DGKB: variants seen among roughly 807,000 people sequenced by gnomAD.
DGKB encodes the protein 90 kDa diacylglycerol kinase.
A neutral mutation model predicts 114.3 loss-of-function variants in DGKB; 67 were observed. That is an observed-to-expected ratio of 0.59 (90% CI 0.48 to 0.72). DGKB has a LOEUF of 0.72. DGKB is among the 30% of genes least tolerant of loss of function. The pLI is 0.00. For missense variants in DGKB, 907 were observed against 975.2 expected (o/e 0.93, Z 0.93); for synonymous variants, 398 against 323.1 (o/e 1.23, Z -2.49).
At chr7:14,489,822 T>C (rs936942209) in intron 20 of DGKB, among the ~76,000 whole-genome samples, 3 of 151,982 alleles carry the variant, frequency 2.0e-5, no homozygotes, top group Admixed American at 2.0e-4. Context: ...AGAAAAATCA[T>C]GTTTACTATC....
At chr7:14,160,009 G>T (rs551145777) in intron 25 of DGKB, among the ~76,000 whole-genome samples, 1 of 152,030 alleles carries the variant, frequency 6.6e-6, no homozygotes, top group African/African-American at 2.4e-5. Context: ...GGATAAAAGA[G>T]TTGTAAATTA....
intron 2 of DGKB, among the ~76,000 whole-genome samples, chr7:14,790,152 T>C (rs1333028104): frequency 1.3e-5 from 2 of 152,224 alleles, no homozygotes; most frequent in African/African-American, 4.8e-5. Flanking sequence ...GTTTTGTTTT[T>C]ACTTCGAATT....
At chr7:14,952,874 A>G (rs1786282689) in intron 1 of DGKB, among the ~76,000 whole-genome samples, 1 of 152,156 alleles carries the variant, frequency 6.6e-6, no homozygotes, top group Non-Finnish European at 1.5e-5. Context: ...ATATTATATA[A>G]ATCAATGGAA....
intron 23 of DGKB, among the ~76,000 whole-genome samples, chr7:14,284,803 T>C (rs1473964945): frequency 6.8e-6 from 1 of 146,194 alleles, no homozygotes; most frequent in African/African-American, 2.5e-5. Flanking sequence ...TAGGTGGGAA[T>C]TGAACAATGA....
chr7:14,284,768 A>T (rs534969823), intron 23 of DGKB, among the ~76,000 whole-genome samples: 129 of 151,080 alleles, frequency 8.5e-4, no homozygotes, highest in African/African-American at 3.0e-3. Context: ...AGAACAAAAA[A>T]CCAAACACTG....
intron 21 of DGKB, among the ~76,000 whole-genome samples, chr7:14,457,976 G>A (rs1832526955): frequency 6.6e-6 from 1 of 152,196 alleles, no homozygotes; most frequent in Admixed American, 6.5e-5. Flanking sequence ...GTGTTCTCTG[G>A]ATTGCGGGAA....
At chr7:14,252,768 A>T (rs1248130236) in intron 23 of DGKB, among the ~76,000 whole-genome samples, 2 of 152,160 alleles carry the variant, frequency 1.3e-5, no homozygotes, top group East Asian at 3.9e-4. Flanking sequence ...CTGGGGCCAG[A>T]GTCCACTGGC....
intron 23 of DGKB, among the ~76,000 whole-genome samples, chr7:14,204,996 A>C (rs1441998982): frequency 6.6e-6 from 1 of 152,016 alleles, no homozygotes; most frequent in East Asian, 1.9e-4. Flanking sequence ...TATCCTCTTA[A>C]TCAACTTCAT....
At chr7:14,158,354 A>G (rs1439171260) in intron 25 of DGKB, among the ~76,000 whole-genome samples, 1 of 152,202 alleles carries the variant, frequency 6.6e-6, no homozygotes, top group East Asian at 1.9e-4. Flanking sequence ...GCCACATGCC[A>G]GACACCAATT....
chr7:14,161,032 A>G (rs986999568), intron 25 of DGKB, among the ~76,000 whole-genome samples: 1 of 152,224 alleles, frequency 6.6e-6, no homozygotes, highest in African/African-American at 2.4e-5. Flanking sequence ...AAAAGAAGAC[A>G]TTTATGCAGC....
At chr7:14,926,596 T>C (rs1784766489) in intron 1 of DGKB, among the ~76,000 whole-genome samples, 1 of 151,654 alleles carries the variant, frequency 6.6e-6, no homozygotes, top group South Asian at 2.1e-4. Flanking sequence ...TTTTTTTATG[T>C]TTTTGGTTTG....
chr7:14,558,093 A>G (rs1174235241), intron 20 of DGKB, among the ~76,000 whole-genome samples: 1 of 150,478 alleles, frequency 6.6e-6, no homozygotes, highest in African/African-American at 2.4e-5. Flanking sequence ...CTCTTTATAT[A>G]TATCTATATG....
intron 20 of DGKB, among the ~76,000 whole-genome samples, chr7:14,560,421 A>G (rs1291464112): frequency 2.6e-5 from 4 of 152,156 alleles, no homozygotes; most frequent in South Asian, 2.1e-4. Flanking sequence ...TATGAATTTG[A>G]CCATTTTATA....
At chr7:14,769,585 A>G (rs763256635) in intron 2 of DGKB, among the ~76,000 whole-genome samples, 75 of 152,010 alleles carry the variant, frequency 4.9e-4, no homozygotes, top group Non-Finnish European at 1.8e-4. Flanking sequence ...AGCGAACACT[A>G]TTTATTTGTT....
chr7:14,887,859 C>G (rs757756662), intron 1 of DGKB, among the ~76,000 whole-genome samples: 38 of 151,704 alleles, frequency 2.5e-4, no homozygotes, highest in Non-Finnish European at 4.3e-4. Context: ...CACCTGGCAT[C>G]AAGTAGCTGC....
intron 20 of DGKB, among the ~76,000 whole-genome samples, chr7:14,570,069 A>C (rs1451330117): frequency 6.6e-6 from 1 of 150,994 alleles, no homozygotes; most frequent in East Asian, 1.9e-4. Flanking sequence ...ATATATTTTC[A>C]ATTAGGTATA....
intron 1 of DGKB, among the ~76,000 whole-genome samples, chr7:14,909,269 T>C: frequency 6.6e-6 from 1 of 152,288 alleles, no homozygotes; most frequent in African/African-American, 2.4e-5. Flanking sequence ...CTTATCTTTA[T>C]ATTATAACCA....
At chr7:14,568,764 G>A (rs937335541) in intron 20 of DGKB, among the ~76,000 whole-genome samples, 8 of 152,116 alleles carry the variant, frequency 5.3e-5, no homozygotes, top group African/African-American at 1.4e-4. Context: ...TTCTGACCTC[G>A]GGCTTTCTAA....
intron 23 of DGKB, among the ~76,000 whole-genome samples, chr7:14,212,966 C>T (rs937511018): frequency 3.3e-5 from 5 of 152,124 alleles, no homozygotes; most frequent in African/African-American, 1.2e-4. Flanking sequence ...GTCCTTTCAT[C>T]ATCACTCCTA....
Sources: allele counts gnomAD v4.1 joint callset (sites outside exome capture counted in the v4.1 genomes callset), GRCh38; gene constraint gnomAD v4.1.1; transcripts MANE v1.5; gene names NCBI Gene and HGNC (gene_info 2026-07-23, HGNC 2026-07-21).